Variants in HMG20A observed in about 807,000 individuals in gnomAD.
The protein encoded by HMG20A is high mobility group protein 20A.
In HMG20A, 17 loss-of-function variants were observed where a neutral mutation model predicts 43.9. The observed-to-expected ratio is 0.39, with a 90% confidence interval of 0.27 to 0.58. The LOEUF (loss-of-function observed/expected upper bound fraction) is 0.58. HMG20A is among the 20% of genes least tolerant of loss of function. The pLI is 0.59. For synonymous variants in HMG20A, 132 were observed against 147.5 expected (o/e 0.89, Z 0.76); for missense variants, 341 against 438.2 (o/e 0.78, Z 1.98).
chr15:77,495,117 G>C, the HMG20A span, among the ~76,000 whole-genome samples: 4 of 152,338 alleles, frequency 2.6e-5, no homozygotes, highest in African/African-American at 9.6e-5. Context: ...TTTGTAGATG[G>C]TCTGTTGCAG....
intron 2 of HMG20A, among the ~76,000 whole-genome samples, chr15:77,460,857 G>A (rs1398187710): frequency 3.3e-5 from 5 of 152,152 alleles, no homozygotes; most frequent in East Asian, 1.9e-4. Flanking sequence ...GTGGTGGCAC[G>A]TGCCTGTAAT....
intron 6 of HMG20A, among the ~76,000 whole-genome samples, chr15:77,474,126 G>A (rs556490959): frequency 6.6e-5 from 10 of 152,132 alleles, no homozygotes; most frequent in Non-Finnish European, 1.0e-4. Context: ...AAAAGCAGCC[G>A]CAGAAGGAGC....
chr15:77,474,741 ATAGCAGTGGGGC>A (rs965939039), intron 6 of HMG20A, among the ~76,000 whole-genome samples: 2 of 152,232 alleles, frequency 1.3e-5, no homozygotes, highest in African/African-American at 4.8e-5. Context: ...GCCATTCTGC[ATAGCAGTGGGGC>A]ACTTCAGGCT....
At chr15:77,434,846 G>A (rs750736158) in intron 1 of HMG20A, among the ~76,000 whole-genome samples, 24 of 152,166 alleles carry the variant, frequency 1.6e-4, no homozygotes, top group Non-Finnish European at 2.6e-4. Flanking sequence ...TATTCCAAAG[G>A]TGATCATACA....
At chr15:77,436,838 CCTCCTTAAAATTT>C (rs2073554686) in intron 1 of HMG20A, among the ~76,000 whole-genome samples, 1 of 152,142 alleles carries the variant, frequency 6.6e-6, no homozygotes, top group Non-Finnish European at 1.5e-5. Context: ...ACATCATGCC[CCTCCTTAAAATTT>C]CTCCTTAAAA....
intron 1 of HMG20A, among the ~76,000 whole-genome samples, chr15:77,433,383 C>T (rs1177716721): frequency 6.7e-6 from 1 of 150,184 alleles, no homozygotes; most frequent in Non-Finnish European, 1.5e-5. Flanking sequence ...AAAACCAGGT[C>T]TACCTGACTT....
chr15:77,508,459 T>C, the HMG20A span, among the ~76,000 whole-genome samples: 2 of 152,156 alleles, frequency 1.3e-5, no homozygotes, highest in Non-Finnish European at 2.9e-5. Context: ...GAATAGTGAG[T>C]GTGAGCCCAT....
intron 1 of HMG20A, among the ~76,000 whole-genome samples, chr15:77,429,842 A>G (rs1327470247): frequency 1.3e-5 from 2 of 152,228 alleles, no homozygotes; most frequent in African/African-American, 4.8e-5. Context: ...AATGAAAAGG[A>G]GAAACATCAG....
At chr15:77,505,478 T>C in the HMG20A span, among the ~76,000 whole-genome samples, 1 of 151,754 alleles carries the variant, frequency 6.6e-6, no homozygotes, top group African/African-American at 2.4e-5. Context: ...GCCTTGATCA[T>C]AGGGCTCTGC....
intron 1 of HMG20A, among the ~76,000 whole-genome samples, chr15:77,429,881 G>A (rs936332785): frequency 1.3e-5 from 2 of 152,084 alleles, no homozygotes; most frequent in Non-Finnish European, 2.9e-5. Context: ...TAATGTGATT[G>A]GTGTCTATTT....
At chr15:77,492,377 A>C in the HMG20A span, among the ~76,000 whole-genome samples, 1 of 152,360 alleles carries the variant, frequency 6.6e-6, no homozygotes, top group East Asian at 1.9e-4. Flanking sequence ...TATAATCAAA[A>C]GAAATGCAAA....
chr15:77,489,744 G>A (rs1469900991), downstream of HMG20A, among the ~76,000 whole-genome samples: 2 of 152,186 alleles, frequency 1.3e-5, no homozygotes, highest in Non-Finnish European at 2.9e-5. Context: ...AGGGCTGAGG[G>A]TATACAAAGG....
rs143667963 is a variant in HMG20A, at chr15:77,446,443, C to T, written c.-4-11961C>T. Among the ~76,000 whole-genome samples, 465 of 152,134 alleles carry T rather than the reference C, an allele frequency of 3.1e-3. 5 individuals are homozygous for T. The highest frequency in any genetic ancestry group is 0.011 in the African/African-American group (452 of 41,510). On this transcript the variant is annotated intron_variant, in intron 1 of 9. Coordinates refer to ENST00000336216, the MANE Select transcript of HMG20A (RefSeq NM_001304504.2). Reference sequence around the variant, plus strand: ...AACTTTAAAAAAAAAACTCGTGTCTCCTCTTGATAAATACATAAATTCCCT... The same window carrying T: ...AACTTTAAAAAAAAAACTCGTGTCTTCTCTTGATAAATACATAAATTCCCT...
chr15:77,459,254 T>C (rs1374990791), intron 2 of HMG20A, among the ~76,000 whole-genome samples: 2 of 152,200 alleles, frequency 1.3e-5, no homozygotes, highest in Non-Finnish European at 2.9e-5. Flanking sequence ...ACTACTCAGA[T>C]GAAAGTGTTC....
At chr15:77,494,331 A>G in the HMG20A span, among the ~76,000 whole-genome samples, 1 of 152,030 alleles carries the variant, frequency 6.6e-6, no homozygotes, top group African/African-American at 2.4e-5. Context: ...GGGTCTCACT[A>G]TGTTGTCCAG....
chr15:77,489,424 G>A (rs553957587), downstream of HMG20A, among the ~76,000 whole-genome samples: 1 of 152,350 alleles, frequency 6.6e-6, no homozygotes, highest in East Asian at 1.9e-4. Flanking sequence ...CTGTCTTAGA[G>A]ATAACTAATG....
chr15:77,455,603 CT>C (rs1174885092), intron 1 of HMG20A, among the ~76,000 whole-genome samples: 1 of 152,050 alleles, frequency 6.6e-6, no homozygotes, highest in African/African-American at 2.4e-5. Flanking sequence ...CATGATAGAC[CT>C]GTTTGTATAA....
the HMG20A span, among the ~76,000 whole-genome samples, chr15:77,511,130 G>T: frequency 6.6e-6 from 1 of 152,220 alleles, no homozygotes; most frequent in Non-Finnish European, 1.5e-5. Context: ...TGGGAGCCAG[G>T]TTTCTTGTTG....
the HMG20A span, among the ~76,000 whole-genome samples, chr15:77,514,757 G>C: frequency 6.6e-6 from 1 of 152,188 alleles, no homozygotes; most frequent in African/African-American, 2.4e-5. Context: ...ACATTGCATT[G>C]TACAAAGGCC....
Sources: gnomAD v4.1 joint callset for allele counts (sites outside exome capture counted in the v4.1 genomes callset) on GRCh38, gnomAD v4.1.1 for gene constraint, MANE v1.5 for transcripts, NCBI Gene and HGNC (gene_info 2026-07-23, HGNC 2026-07-21) for gene names.